The following SPATA13 variants were observed in gnomAD, a reference collection of about 807,000 sequenced individuals.
The protein encoded by SPATA13 is spermatogenesis-associated protein 13.
In SPATA13, 50 loss-of-function variants were observed where a neutral mutation model predicts 104.0. The ratio of observed to expected loss-of-function variants is 0.48; its 90% CI spans 0.38 to 0.61. The LOEUF (loss-of-function observed/expected upper bound fraction) is 0.61. SPATA13 is among the 20% of genes least tolerant of loss of function. The pLI is 0.00. For synonymous variants in SPATA13, 606 were observed against 667.5 expected, an observed-to-expected ratio of 0.91 and a Z score of 1.42; for missense variants, 1,524 against 1,690.6, an observed-to-expected ratio of 0.90 and a Z score of 1.73.
At chr13:24,106,812 A>G (rs1331403869) in intron 3 of SPATA13, among the ~76,000 whole-genome samples, 1 of 152,228 alleles carries the variant, frequency 6.6e-6, no homozygotes, top group Non-Finnish European at 1.5e-5. Flanking sequence ...AGTCCTGTAG[A>G]GAAAGAGACA....
chr13:24,053,254 G>A (rs996587184), intron 3 of SPATA13, among the ~76,000 whole-genome samples: 1 of 152,134 alleles, frequency 6.6e-6, no homozygotes, highest in South Asian at 2.1e-4. Flanking sequence ...TTCAGAGCTA[G>A]GATTCGGCCT....
intron 3 of SPATA13, among the ~76,000 whole-genome samples, chr13:24,091,626 C>T (rs1378631234): frequency 6.6e-6 from 1 of 152,188 alleles, no homozygotes; most frequent in Non-Finnish European, 1.5e-5. Context: ...GTTTGGCCAA[C>T]ATGGTGAAAC....
chr13:24,044,819 A>G (rs909078940), intron 3 of SPATA13, among the ~76,000 whole-genome samples: 7 of 146,780 alleles, frequency 4.8e-5, no homozygotes, highest in Admixed American at 2.7e-4. Context: ...GCGTGATCCC[A>G]CTCATATGTG....
intron 3 of SPATA13, among the ~76,000 whole-genome samples, chr13:24,135,300 A>G (rs1174045065): frequency 2.0e-5 from 3 of 152,246 alleles, no homozygotes; most frequent in Non-Finnish European, 4.4e-5. Flanking sequence ...AATTTTGAAC[A>G]TATGTATTTT....
chr13:24,287,579 G>T (rs1876047313), intron 7 of SPATA13, among the ~76,000 whole-genome samples: 1 of 152,118 alleles, frequency 6.6e-6, no homozygotes, highest in Admixed American at 6.5e-5. Context: ...AGAGTCAAAG[G>T]TTTGTCACTA....
At chr13:24,158,544 T>C (rs545711689), upstream of SPATA13, among the ~76,000 whole-genome samples, 108 of 152,338 alleles carry the variant, frequency 7.1e-4, no homozygotes, top group African/African-American at 2.2e-3. Context: ...CGCCTCTTCA[T>C]GTCAGATCAG....
chr13:24,082,314 C>T (rs984273869), intron 3 of SPATA13, among the ~76,000 whole-genome samples: 9 of 152,174 alleles, frequency 5.9e-5, no homozygotes, highest in Admixed American at 5.2e-4. Context: ...TGGTGCTGAG[C>T]TCGGAGTGAT....
intron 1 of SPATA13, among the ~76,000 whole-genome samples, chr13:24,168,643 G>A (rs914921626): frequency 2.0e-5 from 3 of 152,182 alleles, no homozygotes; most frequent in African/African-American, 7.2e-5. Context: ...CGTTACCCAC[G>A]GACTGAATAG....
chr13:24,302,781 AG>A lies in SPATA13; in HGVS notation c.*10del. Reference sequence around the variant, plus strand: ...ACCCCCTTCCGGAAATGAAAACAGGAGGCTGTGCTTCCATGGAGCTGGGTGT... The same window carrying A: ...ACCCCCTTCCGGAAATGAAAACAGGAGCTGTGCTTCCATGGAGCTGGGTGT... On this transcript the variant is annotated 3_prime_UTR_variant, in exon 13 of 13. Coordinates refer to ENST00000382108, the MANE Select transcript of SPATA13 (RefSeq NM_001166271.3). The A allele has an allele frequency of 6.2e-7, 1 of 1,614,132 alleles. No individual in the cohort carries two copies. Among genetic ancestry groups the A allele is most frequent in the Non-Finnish European group, 8.5e-7 (1 of 1,180,026 alleles).
chr13:23,986,961 A>T (rs1305548220), intron 2 of SPATA13, among the ~76,000 whole-genome samples: 1 of 151,130 alleles, frequency 6.6e-6, no homozygotes, highest in Non-Finnish European at 1.5e-5. Flanking sequence ...GAAATTTGAC[A>T]AGTTTCAAAT....
At chr13:24,280,700 G>A (rs1875436667) in intron 4 of SPATA13, among the ~76,000 whole-genome samples, 4 of 152,042 alleles carry the variant, frequency 2.6e-5, no homozygotes, top group Admixed American at 2.6e-4. Flanking sequence ...CTCGTGGTCT[G>A]GGCAGCCGCT....
chr13:24,150,857 A>G (rs1020231174), intron 3 of SPATA13, among the ~76,000 whole-genome samples: 1 of 152,188 alleles, frequency 6.6e-6, no homozygotes, highest in East Asian at 1.9e-4. Context: ...CTTAGCTGTT[A>G]GTATCACCTA....
intron 3 of SPATA13, among the ~76,000 whole-genome samples, chr13:24,063,261 G>A (rs987585432): frequency 1.6e-4 from 25 of 152,160 alleles, no homozygotes; most frequent in Non-Finnish European, 1.8e-4. Flanking sequence ...GCACTCACTA[G>A]GGATTCATAG....
intron 3 of SPATA13, among the ~76,000 whole-genome samples, chr13:24,043,735 G>A (rs1878021070): frequency 6.6e-6 from 1 of 152,162 alleles, no homozygotes; most frequent in Non-Finnish European, 1.5e-5. Flanking sequence ...GGCATGGCCT[G>A]CTGGTCGTGA....
chr13:24,130,737 C>T (rs1593349123), intron 3 of SPATA13, among the ~76,000 whole-genome samples: 1 of 152,308 alleles, frequency 6.6e-6, no homozygotes, highest in Admixed American at 6.5e-5. Flanking sequence ...AACCACTTAC[C>T]AGATGACTGT....
At chr13:24,240,483 T>TGTGA (rs1300000589) in intron 2 of SPATA13, among the ~76,000 whole-genome samples, 1 of 151,964 alleles carries the variant, frequency 6.6e-6, no homozygotes, top group Non-Finnish European at 1.5e-5. Flanking sequence ...GTGTCTATGA[T>TGTGA]GTGAGGGAGG....
chr13:24,184,979 A>G (rs749398416), intron 1 of SPATA13, among the ~76,000 whole-genome samples: 15 of 152,184 alleles, frequency 9.9e-5, no homozygotes, highest in Non-Finnish European at 1.6e-4. Flanking sequence ...ATTCCTCAGG[A>G]AAGTGCGGGT....
At position 24,249,515 on chromosome 13, in the gene SPATA13, G is replaced by C; in HGVS notation, c.1692G>C (p.Gln564His). The change falls in exon 3 of 13, where the codon CAG becomes CAC. Residue 564 changes from glutamine to histidine, a missense_variant. Around this residue, in one of 2 missense-constraint regions of SPATA13, gnomAD observed 1,089 missense variants for 1,135.9 expected, o/e 0.96. Transcript: ENST00000382108. Reference protein sequence around the residue: ...PDGPWRRSSSQDEERTEAQRT... With the variant: ...PDGPWRRSSSHDEERTEAQRT... ...GCCCCTGGAGGCGAAGCTCATCACA[G>C]GATGAGGAAAGGACAGAGGCACAGA... 6.2e-7 allele frequency: 1 copy of C among 1,601,350 alleles called. No homozygotes were observed. The highest frequency in any genetic ancestry group is 1.1e-5 in the South Asian group (1 of 89,966).
At chr13:23,991,463 C>T (rs1306412223) in intron 2 of SPATA13, among the ~76,000 whole-genome samples, 1 of 152,118 alleles carries the variant, frequency 6.6e-6, no homozygotes, top group Non-Finnish European at 1.5e-5. Context: ...GACTTCTTTT[C>T]TTGCTCCTCT....
Sources: allele counts gnomAD v4.1 joint callset (sites outside exome capture counted in the v4.1 genomes callset), GRCh38; gene constraint gnomAD v4.1.1; regional missense constraint gnomAD v4.1.1; transcripts MANE v1.5; gene names NCBI Gene and HGNC (gene_info 2026-07-23, HGNC 2026-07-21).